Variants in TMEM255B observed in about 807,000 individuals in gnomAD.
TMEM255B encodes the protein family with sequence similarity 70, member B.
In TMEM255B, 35 loss-of-function variants were observed where a neutral mutation model predicts 34.5. The observed-to-expected ratio is 1.01, with a 90% CI of 0.77 to 1.34. TMEM255B has a LOEUF of 1.34. Ranked by LOEUF, TMEM255B falls within the 40% of genes most tolerant of loss-of-function variation. The probability of loss-of-function intolerance (pLI) is 0.00; values close to 1 mark genes in which losing one functional copy is unlikely to be tolerated. For synonymous variants in TMEM255B, 206 were observed against 201.2 expected (o/e 1.02, Z -0.20); for missense variants, 432 against 433.2 (o/e 1.00, Z 0.02).
chr13:113,791,912 G>A (rs1437770220), intron 3 of TMEM255B, among the ~76,000 whole-genome samples: 1 of 152,176 alleles, frequency 6.6e-6, no homozygotes, highest in Non-Finnish European at 1.5e-5. Context: ...ATGTGACGCC[G>A]CTCTCCCTGC....
chr13:113,801,939 T>C lies in TMEM255B; in HGVS notation c.669+127T>C, dbSNP rs999991722. The C allele has an allele frequency of 3.6e-6, 4 of 1,120,252 alleles. No homozygotes were observed. The African/African-American group carries it at 6.4e-5, about 18-fold the overall frequency. The allele number at this position is 1,120,252 out of a possible 1,614,324, so 69.4% of individuals were successfully genotyped here. A position where few individuals can be genotyped will look rare whatever the true frequency, so the allele number is the denominator to read the frequency against. On this transcript the variant is annotated intron_variant, in intron 7 of 8. Transcript: ENST00000375353. Reference sequence around the variant, plus strand: ...TGGGGCACTGAAGCCCATGCGTCTGTCAGCAGGGTGTCAGGGTGACAGCTG... The same window carrying C: ...TGGGGCACTGAAGCCCATGCGTCTGCCAGCAGGGTGTCAGGGTGACAGCTG...
intron 3 of TMEM255B, among the ~76,000 whole-genome samples, chr13:113,779,541 C>G (rs1360875890): frequency 1.3e-5 from 2 of 151,798 alleles, no homozygotes; most frequent in African/African-American, 4.8e-5. Context: ...CCCGGAAGTG[C>G]TCTCTGTTTT....
intron 5 of TMEM255B, 174 bp downstream of exon 5, chr13:113,799,593 C>T (rs996766627): frequency 7.0e-5 from 45 of 647,398 alleles, no homozygotes; most frequent in Admixed American, 2.8e-4. Context: ...CTTGACATTT[C>T]GATGTGCTGT....
At chr13:113,772,717 A>T (rs1233933868) in intron 3 of TMEM255B, among the ~76,000 whole-genome samples, 1 of 152,214 alleles carries the variant, frequency 6.6e-6, no homozygotes, top group African/African-American at 2.4e-5. Context: ...AATTGGCCAT[A>T]CATATATGGT....
chr13:113,794,769 T>A (rs1415775676), intron 3 of TMEM255B, among the ~76,000 whole-genome samples: 1 of 152,210 alleles, frequency 6.6e-6, no homozygotes, highest in Non-Finnish European at 1.5e-5. Flanking sequence ...TGCGACAGTG[T>A]GTGAAGCTGA....
At chr13:113,785,013 G>A (rs1467506921) in intron 3 of TMEM255B, among the ~76,000 whole-genome samples, 1 of 152,196 alleles carries the variant, frequency 6.6e-6, no homozygotes, top group Non-Finnish European at 1.5e-5. Context: ...CTTATATAAG[G>A]GTATTTAAGG....
At position 113,767,715 on chromosome 13, in the gene TMEM255B, G is replaced by A. The variant is rs535762157; in HGVS notation, c.190-1383G>A. On this transcript the variant is annotated intron_variant, in intron 2 of 8. Coordinates refer to ENST00000375353, the MANE Select transcript of TMEM255B (RefSeq NM_182614.4). ...CAGCTTCAAGGAAACGTGGCTAAGA[G>A]TCACTTCTGTGGAGACTTTCTGCCA... Among the ~76,000 whole-genome samples the A allele has an allele frequency of 1.8e-4, 27 of 152,330 alleles. No individual in the cohort carries two copies. The South Asian group carries it at 5.2e-3, about 29-fold the overall frequency.
intron 1 of TMEM255B, among the ~76,000 whole-genome samples, chr13:113,762,536 T>C (rs2050325695): frequency 6.6e-6 from 1 of 152,174 alleles, no homozygotes; most frequent in Admixed American, 6.5e-5. Flanking sequence ...GAAAGAGGGG[T>C]AAACATAGCA....
intron 7 of TMEM255B, among the ~76,000 whole-genome samples, chr13:113,803,829 TC>T (rs1271814711): frequency 1.3e-5 from 2 of 151,994 alleles, no homozygotes; most frequent in Non-Finnish European, 2.9e-5. Context: ...GGGGGCTCCC[TC>T]CCAGCCCCAG....
At chr13:113,799,994 C>T in intron 5 of TMEM255B, 16 of 1,252,454 alleles carry the variant, frequency 1.3e-5, no homozygotes, top group Non-Finnish European at 1.7e-5. Context: ...GGAGGAGGAG[C>T]TGGAGGCCCT....
At chr13:113,796,608 G>T (rs953674340) in intron 4 of TMEM255B, among the ~76,000 whole-genome samples, 9 of 151,968 alleles carry the variant, frequency 5.9e-5, no homozygotes, top group African/African-American at 2.2e-4. Context: ...CTCTAAAGTC[G>T]CAGGCCAAGG....
At chr13:113,810,996 T>A (rs11259842) in intron 8 of TMEM255B, among the ~76,000 whole-genome samples, 1 of 151,720 alleles carries the variant, frequency 6.6e-6, no homozygotes, top group East Asian at 2.0e-4. Context: ...TGTGAGGAAG[T>A]GGGATGTGGT....
rs2051391371 is a variant in TMEM255B, at chr13:113,815,437, C to A, written c.*3534C>A. Reference sequence around the variant, plus strand: ...GGGTGATATGGTTTTGCTGTGTCCCCACCCAAATCTCAACTTGAATTGTAT... The same window carrying A: ...GGGTGATATGGTTTTGCTGTGTCCCAACCCAAATCTCAACTTGAATTGTAT... On this transcript the variant is annotated 3_prime_UTR_variant, in exon 9 of 9. Transcript: ENST00000375353. 1 of 152,156 alleles carries A rather than the reference C, an allele frequency of 6.6e-6. No individual in the cohort carries two copies. The highest frequency in any genetic ancestry group is 2.1e-4 in the South Asian group (1 of 4,832). The allele number at this position is 152,156 out of a possible 1,614,324, so 9.4% of individuals were successfully genotyped here. A position where few individuals can be genotyped will look rare whatever the true frequency, so the allele number is the denominator to read the frequency against.
chr13:113,795,304 C>T (rs2050902605), intron 4 of TMEM255B, 67 bp downstream of exon 4: 1 of 1,520,786 alleles, frequency 6.6e-7, no homozygotes, highest in Admixed American at 1.8e-5. Flanking sequence ...GAAAAAAGTA[C>T]AATTTCATTT....
intron 3 of TMEM255B, among the ~76,000 whole-genome samples, chr13:113,794,302 A>G (rs1453940358): frequency 6.6e-6 from 1 of 152,092 alleles, no homozygotes; most frequent in Non-Finnish European, 1.5e-5. Context: ...GGTGCGCAGG[A>G]CAGGTCCGAA....
intron 4 of TMEM255B, among the ~76,000 whole-genome samples, chr13:113,796,736 C>T (rs79835631): frequency 5.3e-5 from 8 of 152,350 alleles, no homozygotes; most frequent in South Asian, 2.1e-4. Flanking sequence ...AGCTGGTCCC[C>T]GGGAGCAGCC....
At chr13:113,798,527 T>G (rs2050982648) in intron 4 of TMEM255B, among the ~76,000 whole-genome samples, 1 of 148,220 alleles carries the variant, frequency 6.7e-6, no homozygotes, top group East Asian at 2.0e-4. Context: ...AATGGAAGGA[T>G]GGATGATGGA....
chr13:113,781,501 A>G (rs572813077), intron 3 of TMEM255B, among the ~76,000 whole-genome samples: 2 of 152,332 alleles, frequency 1.3e-5, no homozygotes, highest in Admixed American at 1.3e-4. Flanking sequence ...AATAGTCTTA[A>G]ATACATGTAA....
chr13:113,769,403 G>A lies in TMEM255B; in HGVS notation c.252+243G>A, dbSNP rs115851731. Among the ~76,000 whole-genome samples, 3,507 of 152,328 alleles carry A rather than the reference G, an allele frequency of 0.023. 136 individuals are homozygous for A. The highest frequency in any genetic ancestry group is 0.079 in the African/African-American group (3,278 of 41,562). Reference sequence around the variant, plus strand: ...CTGGTGTATCAACCTCACGTGGTGTGCAACCACCAATGCTGAGGCCTGGGA... The same window carrying A: ...CTGGTGTATCAACCTCACGTGGTGTACAACCACCAATGCTGAGGCCTGGGA... On this transcript the variant is annotated intron_variant, in intron 3 of 8. Transcript: ENST00000375353. This position sits in a 1 kb window ranked among gnomAD's most constrained non-coding sequence, Gnocchi z 4.2.
Sources: gnomAD v4.1 joint callset for allele counts (sites outside exome capture counted in the v4.1 genomes callset) on GRCh38, gnomAD v4.1.1 for gene constraint, Gnocchi (gnomAD v3.1) non-coding constraint, MANE v1.5 for transcripts, NCBI Gene and HGNC (gene_info 2026-07-23, HGNC 2026-07-21) for gene names.